The following TNS1 variants were observed in gnomAD, a reference collection of about 807,000 sequenced individuals.
The protein encoded by TNS1 is tensin-1.
In TNS1, 62 loss-of-function variants were observed where a neutral mutation model predicts 168.6. The ratio of observed to expected loss-of-function variants is 0.37; its 90% CI spans 0.30 to 0.45. The LOEUF is 0.45. Ranked by LOEUF, TNS1 falls within the 20% of genes least tolerant of loss-of-function variation. The pLI is 1.00. For synonymous variants in TNS1, 934 were observed against 933.2 expected (o/e 1.00, Z -0.02); for missense variants, 2,240 against 2,339.4 (o/e 0.96, Z 0.88).
At chr2:217,876,731 G>A (rs973989084) in intron 18 of TNS1, among the ~76,000 whole-genome samples, 1 of 152,028 alleles carries the variant, frequency 6.6e-6, no homozygotes, top group African/African-American at 2.4e-5. Flanking sequence ...CAATACGTCT[G>A]GTGTCTTTAT....
intron 18 of TNS1, among the ~76,000 whole-genome samples, chr2:217,872,028 G>A (rs1453045864): frequency 2.0e-5 from 3 of 152,252 alleles, no homozygotes; most frequent in South Asian, 4.1e-4. Context: ...TTGGAATCCT[G>A]CCTTCACCAT....
At chr2:217,909,926 AATAAAGCAC>A (rs1287278561) in intron 4 of TNS1, among the ~76,000 whole-genome samples, 3 of 152,232 alleles carry the variant, frequency 2.0e-5, no homozygotes, top group Admixed American at 6.5e-5. Context: ...GATCAAATGC[AATAAAGCAC>A]ATAAAGCACT....
At chr2:217,983,571 G>A (rs936530768) in intron 2 of TNS1, among the ~76,000 whole-genome samples, 1 of 152,222 alleles carries the variant, frequency 6.6e-6, no homozygotes, top group African/African-American at 2.4e-5. Flanking sequence ...CCGGTACTCT[G>A]TCCTGGGGTT....
intron 3 of TNS1, among the ~76,000 whole-genome samples, chr2:217,953,303 C>T (rs1383981330): frequency 6.6e-6 from 1 of 152,198 alleles, no homozygotes; most frequent in African/African-American, 2.4e-5. Flanking sequence ...CCTCTGGGTG[C>T]TCCTCACCAG....
chr2:217,805,515 AC>A (rs1938537559), intron 32 of TNS1, among the ~76,000 whole-genome samples: 17 of 44,542 alleles, frequency 3.8e-4, no homozygotes, highest in Admixed American at 6.5e-4. Context: ...CACCACACAC[AC>A]CACACACACC....
intron 3 of TNS1, among the ~76,000 whole-genome samples, chr2:217,966,942 C>T (rs536430593): frequency 6.6e-6 from 1 of 152,312 alleles, no homozygotes; most frequent in South Asian, 2.1e-4. Flanking sequence ...ACAGTGTGAA[C>T]AATCACATCT....
upstream of TNS1, among the ~76,000 whole-genome samples, chr2:218,007,060 A>G (rs1179649737): frequency 1.3e-5 from 2 of 152,010 alleles, no homozygotes; most frequent in African/African-American, 4.8e-5. Context: ...CAATGGGGCC[A>G]CTCACACTGC....
intron 3 of TNS1, among the ~76,000 whole-genome samples, chr2:217,934,200 C>A (rs188403040): frequency 1.6e-3 from 246 of 152,294 alleles, no homozygotes; most frequent in Non-Finnish European, 2.8e-3. Context: ...GCCAAGTCAC[C>A]TGGATGCTTG....
At chr2:217,867,265 A>G (rs930361085) in intron 18 of TNS1, among the ~76,000 whole-genome samples, 1 of 152,182 alleles carries the variant, frequency 6.6e-6, no homozygotes, top group African/African-American at 2.4e-5. Flanking sequence ...ATGAAGGCCA[A>G]TCTGGCCCTG....
intron 22 of TNS1, among the ~76,000 whole-genome samples, chr2:217,826,796 T>C (rs1275494251): frequency 1.3e-5 from 2 of 152,168 alleles, no homozygotes; most frequent in African/African-American, 4.8e-5. Flanking sequence ...CCCTGCCAAG[T>C]GGCTGCTGGC....
chr2:218,007,490 G>T (rs1029840311), upstream of TNS1, among the ~76,000 whole-genome samples: 3 of 146,122 alleles, frequency 2.1e-5, no homozygotes, highest in African/African-American at 7.6e-5. Context: ...AGGACTAGGG[G>T]CTATGCTTCC....
upstream of TNS1, among the ~76,000 whole-genome samples, chr2:218,004,732 C>T (rs1380237239): frequency 1.3e-5 from 2 of 152,088 alleles, no homozygotes; most frequent in African/African-American, 4.8e-5. Flanking sequence ...AGTCAGGGTC[C>T]TCTCTCCATA....
At chr2:217,834,362 C>T (rs567998438) in intron 21 of TNS1, among the ~76,000 whole-genome samples, 3 of 152,370 alleles carry the variant, frequency 2.0e-5, no homozygotes, top group Non-Finnish European at 4.4e-5. Flanking sequence ...TGTGCTGACC[C>T]AGGCCTCTCC....
intron 21 of TNS1, 110 bp downstream of exon 21, chr2:217,834,981 C>A: frequency 2.2e-6 from 2 of 901,464 alleles, no homozygotes; most frequent in Non-Finnish European, 3.3e-6. Flanking sequence ...CTGGCCCCAC[C>A]TGGGGCACTG....
intron 19 of TNS1, chr2:217,842,088 C>T (rs1448533009): frequency 1.4e-6 from 1 of 702,960 alleles, no homozygotes; most frequent in Admixed American, 2.0e-5. Context: ...ATGCCAGTTC[C>T]TATGCTGGTT....
intron 3 of TNS1, among the ~76,000 whole-genome samples, chr2:217,954,977 TACACAC>T (rs369665264): frequency 6.7e-6 from 1 of 150,362 alleles, no homozygotes; most frequent in Non-Finnish European, 1.5e-5. Flanking sequence ...TCCGTGAATG[TACACAC>T]ACACACACAC....
At chr2:217,834,907 C>T (rs2125316453) in intron 21 of TNS1, among the ~76,000 whole-genome samples, 184 bp downstream of exon 21, 1 of 152,150 alleles carries the variant, frequency 6.6e-6, no homozygotes, top group East Asian at 1.9e-4. Flanking sequence ...GTGTGGACGA[C>T]GGAGAAGACA....
intron 22 of TNS1, 142 bp from the exon 23 acceptor site, chr2:217,822,080 C>A: frequency 2.2e-6 from 2 of 925,436 alleles, no homozygotes; most frequent in Non-Finnish European, 3.2e-6. Flanking sequence ...AGGCAGGGCT[C>A]CTGCCTGCCC....
At chr2:218,030,994 ATGAGTG>A (rs1574485537) in intron 1 of TNS1, among the ~76,000 whole-genome samples, 1 of 149,530 alleles carries the variant, frequency 6.7e-6, no homozygotes, top group East Asian at 2.0e-4. Flanking sequence ...GAGTGTATGT[ATGAGTG>A]TGAGTGTGGG....
Sources: allele counts gnomAD v4.1 joint callset (sites outside exome capture counted in the v4.1 genomes callset), GRCh38; gene constraint gnomAD v4.1.1; transcripts MANE v1.5; gene names NCBI Gene and HGNC (gene_info 2026-07-23, HGNC 2026-07-21).